The following PARL variants were observed in gnomAD, a reference collection of about 807,000 sequenced individuals.
PARL encodes the protein presenilin associated rhomboid like, also known as presenilin-associated rhomboid-like protein, mitochondrial.
PARL carries 44 observed loss-of-function variants against 51.6 expected under a neutral mutation model. The observed-to-expected ratio is 0.85, with a 90% CI of 0.67 to 1.10. PARL has a LOEUF of 1.10. Among genes scored for constraint, PARL ranks in the 50% least tolerant of loss-of-function variants. The probability of loss-of-function intolerance (pLI) is 0.00; values close to 1 mark genes in which losing one functional copy is unlikely to be tolerated. For synonymous variants in PARL, 172 were observed against 164.0 expected (o/e 1.05, Z -0.37); for missense variants, 441 against 469.5 (o/e 0.94, Z 0.56).
intron 6 of PARL, among the ~76,000 whole-genome samples, chr3:183,841,613 G>C (rs577321618): frequency 6.6e-6 from 1 of 152,278 alleles, no homozygotes; most frequent in South Asian, 2.1e-4. Context: ...AGAGATTTTA[G>C]AAATTAATTT....
intron 7 of PARL, among the ~76,000 whole-genome samples, chr3:183,839,809 C>T (rs1349933373): frequency 2.6e-5 from 4 of 152,142 alleles, no homozygotes; most frequent in East Asian, 1.9e-4. Context: ...CACAGCTCAC[C>T]GCAGCCTCAA....
intron 7 of PARL, among the ~76,000 whole-genome samples, chr3:183,835,471 T>G (rs1239319924): frequency 6.6e-6 from 1 of 152,176 alleles, no homozygotes; most frequent in African/African-American, 2.4e-5. Flanking sequence ...GTTGCATTCT[T>G]AGAAGTCAGG....
intron 1 of PARL, among the ~76,000 whole-genome samples, chr3:183,882,477 C>T (rs554019378): frequency 2.3e-4 from 35 of 150,790 alleles, no homozygotes; most frequent in African/African-American, 4.9e-4. Flanking sequence ...TCCATACAAA[C>T]GGCAAGTTTT....
chr3:183,827,933 AC>A (rs79631505), downstream of PARL, among the ~76,000 whole-genome samples: 2,044 of 152,270 alleles, frequency 0.013, 68 homozygotes, highest in East Asian at 0.072. Flanking sequence ...GTTCCTAGGT[AC>A]CCCACACTTC....
chr3:183,882,637 C>T (rs1734699620), intron 1 of PARL, among the ~76,000 whole-genome samples: 1 of 152,072 alleles, frequency 6.6e-6, no homozygotes, highest in Non-Finnish European at 1.5e-5. Context: ...AGATTTTTTT[C>T]CCCTTTTGTG....
intron 1 of PARL, among the ~76,000 whole-genome samples, chr3:183,880,152 T>C (rs181399429): frequency 1.3e-5 from 2 of 152,258 alleles, no homozygotes; most frequent in East Asian, 1.9e-4. Flanking sequence ...GATGGGTATA[T>C]AAGACAGGGA....
chr3:183,869,618 A>C (rs1381523615), intron 1 of PARL, among the ~76,000 whole-genome samples: 2 of 152,138 alleles, frequency 1.3e-5, no homozygotes, highest in African/African-American at 4.8e-5. Flanking sequence ...TATAACGAAC[A>C]ATATTCAGTG....
intron 4 of PARL, among the ~76,000 whole-genome samples, chr3:183,859,288 C>A (rs926865553): frequency 4.6e-5 from 7 of 151,796 alleles, no homozygotes; most frequent in Admixed American, 1.3e-4. Flanking sequence ...AAAACAAAAA[C>A]AAAAACAAAA....
intron 5 of PARL, among the ~76,000 whole-genome samples, chr3:183,843,981 G>A (rs1323569113): frequency 1.3e-5 from 2 of 152,204 alleles, no homozygotes; most frequent in African/African-American, 4.8e-5. Context: ...GGAGGTTGTA[G>A]TGAGCTAAGA....
At chr3:183,882,782 TTCAGACCCTAGTA>T (rs1353461297) in intron 1 of PARL, among the ~76,000 whole-genome samples, 1 of 152,208 alleles carries the variant, frequency 6.6e-6, no homozygotes, top group Admixed American at 6.5e-5. Flanking sequence ...TGCAGTAGTT[TTCAGACCCTAGTA>T]TCACCACCTA....
chr3:183,870,032 CTT>C (rs980220292), intron 1 of PARL, among the ~76,000 whole-genome samples: 1 of 150,102 alleles, frequency 6.7e-6, no homozygotes, highest in African/African-American at 2.5e-5. Flanking sequence ...AATCCCAGCA[CTT>C]TGGGAGGCTG....
intron 4 of PARL, among the ~76,000 whole-genome samples, chr3:183,862,112 T>A (rs1015449196): frequency 5.3e-5 from 8 of 152,214 alleles, no homozygotes; most frequent in Admixed American, 6.5e-5. Flanking sequence ...ACTGACTCCA[T>A]GAAATATTGC....
downstream of PARL, among the ~76,000 whole-genome samples, chr3:183,828,494 G>C (rs780811471): frequency 6.6e-6 from 1 of 152,232 alleles, no homozygotes; most frequent in East Asian, 1.9e-4. Context: ...GTTTAGAACA[G>C]AATCCTGTGC....
chr3:183,863,865 T>C (rs1409981460), intron 3 of PARL, among the ~76,000 whole-genome samples: 2 of 152,240 alleles, frequency 1.3e-5, no homozygotes, highest in African/African-American at 4.8e-5. Flanking sequence ...ACTTCTTTAA[T>C]GGGCATAGGT....
intron 1 of PARL, among the ~76,000 whole-genome samples, chr3:183,882,669 T>C (rs1024467316): frequency 1.3e-5 from 2 of 152,132 alleles, no homozygotes; most frequent in African/African-American, 4.8e-5. Context: ...ATAGAAGATA[T>C]TTCGGTCTTT....
intron 4 of PARL, among the ~76,000 whole-genome samples, chr3:183,858,707 A>AG (rs772444908): frequency 2.0e-5 from 3 of 152,158 alleles, no homozygotes; most frequent in Non-Finnish European, 4.4e-5. Context: ...CCTCTAGGAG[A>AG]GGCTTAAAAG....
intron 4 of PARL, among the ~76,000 whole-genome samples, chr3:183,850,172 T>C (rs1211199662): frequency 2.0e-5 from 3 of 152,164 alleles, no homozygotes; most frequent in Non-Finnish European, 2.9e-5. Flanking sequence ...AAAACAAAAA[T>C]CTATTCTCTT....
intron 4 of PARL, chr3:183,846,590 C>A: frequency 1.0e-6 from 1 of 985,320 alleles, no homozygotes; most frequent in Non-Finnish European, 1.2e-6. Flanking sequence ...ACGCAAGAAG[C>A]TTTTCTGATA....
chr3:183,867,315 C>T (rs912180648), intron 2 of PARL, among the ~76,000 whole-genome samples: 1 of 152,102 alleles, frequency 6.6e-6, no homozygotes, highest in Admixed American at 6.6e-5. Context: ...AACTTAGCAC[C>T]GCTTGAAATG....
Sources: allele counts gnomAD v4.1 joint callset (sites outside exome capture counted in the v4.1 genomes callset), GRCh38; gene constraint gnomAD v4.1.1; transcripts MANE v1.5; gene names NCBI Gene and HGNC (gene_info 2026-07-23, HGNC 2026-07-21).